AKIRIN2: variants seen among roughly 807,000 people sequenced by gnomAD.
AKIRIN2 encodes the protein akirin 2, also known as akirin-2.
A neutral mutation model predicts 29.3 loss-of-function variants in AKIRIN2; 6 were observed. That is an observed-to-expected ratio of 0.20 (90% CI 0.11 to 0.40). The LOEUF is 0.40. Among genes scored for constraint, AKIRIN2 ranks in the 10% least tolerant of loss-of-function variants. The pLI, the probability that AKIRIN2 is intolerant of heterozygous loss-of-function variation, is 1.00. For synonymous variants in AKIRIN2, 128 were observed against 117.5 expected (o/e 1.09, Z -0.58); for missense variants, 210 against 276.1 (o/e 0.76, Z 1.70).
intron 1 of AKIRIN2, among the ~76,000 whole-genome samples, chr6:87,691,163 G>C (rs887719516): frequency 6.6e-6 from 1 of 151,934 alleles, no homozygotes; most frequent in Non-Finnish European, 1.5e-5. Context: ...TCCAAATTAG[G>C]CTGGGCGTGG....
chr6:87,679,145 A>AG (rs1322870975), intron 2 of AKIRIN2, among the ~76,000 whole-genome samples: 2 of 145,184 alleles, frequency 1.4e-5, no homozygotes, highest in Non-Finnish European at 2.9e-5. Context: ...CAGAAAAAAA[A>AG]AAAAAAAAAG....
chr6:87,701,730 G>A lies in AKIRIN2; in HGVS notation c.-46C>T, dbSNP rs758445752. The A allele has an allele frequency of 1.7e-5, 23 of 1,335,722 alleles. No individual in the cohort carries two copies. The highest frequency in any genetic ancestry group is 2.2e-5 in the Non-Finnish European group (22 of 1,017,812). 82.7% of individuals were successfully genotyped at this position (1,335,722 alleles called of 1,614,324 possible). ...CCGGGCTCGGGTGGGGTCGGGGACGGGTGACGAAAGAAGAGGGTGAGGGAA... is the reference window on the plus strand; with the variant it reads ...CCGGGCTCGGGTGGGGTCGGGGACGAGTGACGAAAGAAGAGGGTGAGGGAA... On this transcript the variant is annotated 5_prime_UTR_variant, in exon 1 of 5. Transcript: ENST00000257787.
intron 1 of AKIRIN2, among the ~76,000 whole-genome samples, chr6:87,689,436 C>T (rs1188665660): frequency 6.6e-6 from 1 of 152,160 alleles, no homozygotes; most frequent in African/African-American, 2.4e-5. Flanking sequence ...CGAGACAGTG[C>T]TACCGCACTC....
intron 2 of AKIRIN2, among the ~76,000 whole-genome samples, chr6:87,678,392 C>T (rs1207078658): frequency 1.3e-5 from 2 of 151,916 alleles, no homozygotes; most frequent in Middle Eastern, 3.2e-3. Context: ...ATCCCAGCTA[C>T]TCGGGAGGCT....
intron 3 of AKIRIN2, among the ~76,000 whole-genome samples, chr6:87,677,095 AAATT>A (rs1405144987): frequency 1.3e-5 from 2 of 151,970 alleles, no homozygotes; most frequent in Non-Finnish European, 2.9e-5. Flanking sequence ...AAAAAAAAAA[AAATT>A]AAAAACAAAG....
chr6:87,698,374 A>T (rs1030427594), intron 1 of AKIRIN2, among the ~76,000 whole-genome samples: 1 of 103,194 alleles, frequency 9.7e-6, no homozygotes, highest in Non-Finnish European at 1.9e-5. Flanking sequence ...AACAATACTT[A>T]AAAAAAAAAA....
At chr6:87,689,230 G>A (rs919900621) in intron 1 of AKIRIN2, among the ~76,000 whole-genome samples, 41 of 152,118 alleles carry the variant, frequency 2.7e-4, no homozygotes, top group African/African-American at 9.4e-4. Context: ...GGCCAGGCGC[G>A]GTGGCTCATG....
chr6:87,685,193 A>G (rs1424958617), intron 1 of AKIRIN2, among the ~76,000 whole-genome samples: 1 of 152,226 alleles, frequency 6.6e-6, no homozygotes, highest in African/African-American at 2.4e-5. Context: ...TGAAGGGTCC[A>G]ATTTAACTTG....
intron 1 of AKIRIN2, among the ~76,000 whole-genome samples, chr6:87,695,013 T>C (rs1195640542): frequency 2.6e-5 from 4 of 152,222 alleles, no homozygotes; most frequent in African/African-American, 9.6e-5. Flanking sequence ...AAACTTGCTA[T>C]AACAAATAAT....
chr6:87,691,798 T>C (rs1771282081), intron 1 of AKIRIN2, among the ~76,000 whole-genome samples: 1 of 152,208 alleles, frequency 6.6e-6, no homozygotes, highest in Non-Finnish European at 1.5e-5. Flanking sequence ...TGGAAGTCAC[T>C]GATGACCTGA....
intron 3 of AKIRIN2, among the ~76,000 whole-genome samples, chr6:87,676,478 C>T (rs1582113989): frequency 6.8e-6 from 1 of 146,038 alleles, no homozygotes; most frequent in Non-Finnish European, 1.5e-5. Flanking sequence ...AAAACGAGGC[C>T]GGGCGCGGTG....
At chr6:87,680,787 A>T (rs867701842) in intron 2 of AKIRIN2, among the ~76,000 whole-genome samples, 27 of 114,710 alleles carry the variant, frequency 2.4e-4, no homozygotes, top group African/African-American at 6.8e-4. Context: ...TTTTTTTTTT[A>T]AAAAAAAGGA....
intron 3 of AKIRIN2, among the ~76,000 whole-genome samples, chr6:87,676,405 G>A (rs1281482862): frequency 2.1e-4 from 26 of 126,564 alleles, no homozygotes; most frequent in Non-Finnish European, 3.8e-4. Flanking sequence ...GGTGGAGCTT[G>A]CAGTGAGCCA....
intron 1 of AKIRIN2, among the ~76,000 whole-genome samples, chr6:87,683,865 C>T (rs770724487): frequency 3.3e-5 from 5 of 152,016 alleles, no homozygotes; most frequent in East Asian, 3.9e-4. Context: ...TTGGTCAGGC[C>T]GGTCTCGAAC....
At chr6:87,675,991 C>G in intron 3 of AKIRIN2, 60 bp from the exon 4 acceptor site, 1 of 1,414,716 alleles carries the variant, frequency 7.1e-7, no homozygotes, top group Non-Finnish European at 9.9e-7. Context: ...GCCAGATAAA[C>G]TGAAAACACA....
intron 1 of AKIRIN2, among the ~76,000 whole-genome samples, chr6:87,691,368 G>A (rs1393574484): frequency 6.7e-6 from 1 of 149,370 alleles, no homozygotes; most frequent in Admixed American, 6.7e-5. Flanking sequence ...TTGAACCCAG[G>A]AGGCAGAGGT....
chr6:87,692,925 G>T (rs1303437130), intron 1 of AKIRIN2, among the ~76,000 whole-genome samples: 1 of 151,102 alleles, frequency 6.6e-6, no homozygotes, highest in Non-Finnish European at 1.5e-5. Context: ...CAAAAAATGG[G>T]ATTGTCAAGA....
intron 1 of AKIRIN2, among the ~76,000 whole-genome samples, chr6:87,690,177 GC>G (rs1771255599): frequency 6.7e-6 from 1 of 148,538 alleles, no homozygotes; most frequent in African/African-American, 2.5e-5. Context: ...TTGAACTCCA[GC>G]CTGGGCAACA....
At chr6:87,696,569 C>T (rs112903988) in intron 1 of AKIRIN2, among the ~76,000 whole-genome samples, 2,401 of 151,446 alleles carry the variant, frequency 0.016, 70 homozygotes, top group African/African-American at 0.054. Flanking sequence ...GGCATGGTGG[C>T]GGGCACCTGT....
Sources: allele counts gnomAD v4.1 joint callset (sites outside exome capture counted in the v4.1 genomes callset), GRCh38; gene constraint gnomAD v4.1.1; transcripts MANE v1.5; gene names NCBI Gene and HGNC (gene_info 2026-07-23, HGNC 2026-07-21).